Variants in MALRD1 observed in about 807,000 individuals in gnomAD.
MALRD1 encodes the protein MAM and LDL receptor class A domain containing 1.
A neutral mutation model predicts 242.1 loss-of-function variants in MALRD1; 247 were observed. The observed-to-expected ratio is 1.02, with a 90% CI of 0.92 to 1.13. MALRD1 has a LOEUF of 1.13. Ranked by LOEUF, MALRD1 falls within the 50% of genes most tolerant of loss-of-function variation. The probability of loss-of-function intolerance (pLI) is 0.00; values close to 1 mark genes in which losing one functional copy is unlikely to be tolerated. For synonymous variants in MALRD1, 995 were observed against 866.6 expected, an observed-to-expected ratio of 1.15 and a Z score of -2.60; for missense variants, 2,989 against 2,533.1, an observed-to-expected ratio of 1.18 and a Z score of -3.86.
intron 36 of MALRD1, among the ~76,000 whole-genome samples, chr10:19,677,272 A>C (rs1429737524): frequency 6.6e-6 from 1 of 152,148 alleles, no homozygotes; most frequent in Non-Finnish European, 1.5e-5. Flanking sequence ...ACTAATTTAC[A>C]TTCCCACCAG....
At chr10:19,252,643 A>G (rs1839344712) in intron 18 of MALRD1, among the ~76,000 whole-genome samples, 1 of 152,012 alleles carries the variant, frequency 6.6e-6, no homozygotes, top group South Asian at 2.1e-4. Context: ...TTTTGTCTCT[A>G]CTATTACCAC....
chr10:19,141,294 A>G (rs1050836506), intron 10 of MALRD1, among the ~76,000 whole-genome samples: 1 of 152,162 alleles, frequency 6.6e-6, no homozygotes, highest in Non-Finnish European at 1.5e-5. Flanking sequence ...AAGGACACAT[A>G]TTGTTTGGTC....
At chr10:19,620,019 AAAT>A (rs1554815284) in intron 36 of MALRD1, among the ~76,000 whole-genome samples, 1 of 58,470 alleles carries the variant, frequency 1.7e-5, no homozygotes, top group Non-Finnish European at 6.3e-5. Context: ...TAATAATAAT[AAAT>A]AATAATAATA....
At chr10:19,169,430 T>A (rs1415062933) in intron 13 of MALRD1, among the ~76,000 whole-genome samples, 1 of 152,218 alleles carries the variant, frequency 6.6e-6, no homozygotes, top group East Asian at 1.9e-4. Flanking sequence ...TAAATATTTC[T>A]AACTAGTAGT....
At chr10:19,712,639 A>G (rs11011216) in intron 38 of MALRD1, among the ~76,000 whole-genome samples, 13,700 of 152,264 alleles carry the variant, frequency 0.09, 753 homozygotes, top group African/African-American at 0.15. Flanking sequence ...GTTTTCAATC[A>G]AACAGATTAT....
At chr10:19,054,103 A>G (rs1370452916) in intron 1 of MALRD1, among the ~76,000 whole-genome samples, 2 of 152,070 alleles carry the variant, frequency 1.3e-5, no homozygotes, top group Non-Finnish European at 2.9e-5. Flanking sequence ...GGTCTGTGTA[A>G]TTTTTTTAAA....
chr10:19,153,871 CTT>C (rs1834032934), intron 11 of MALRD1, among the ~76,000 whole-genome samples: 4 of 129,130 alleles, frequency 3.1e-5, no homozygotes, highest in East Asian at 2.0e-4. Flanking sequence ...TCGTTAACCT[CTT>C]GTTTGAAATT....
intron 9 of MALRD1, among the ~76,000 whole-genome samples, chr10:19,134,412 T>C (rs901081549): frequency 6.6e-6 from 1 of 152,214 alleles, no homozygotes. Context: ...AAAAATTAAA[T>C]TGATATTTTG....
intron 21 of MALRD1, among the ~76,000 whole-genome samples, chr10:19,303,056 G>A (rs1286917046): frequency 6.6e-6 from 1 of 151,072 alleles, no homozygotes; most frequent in Non-Finnish European, 1.5e-5. Flanking sequence ...AATATGTTTG[G>A]GCTAAATACG....
At chr10:19,395,802 G>A (rs1321528008) in intron 28 of MALRD1, among the ~76,000 whole-genome samples, 1 of 152,168 alleles carries the variant, frequency 6.6e-6, no homozygotes. Context: ...GAATATGTGA[G>A]ATTTTTCTTT....
rs143201922 is a variant in MALRD1 at position 19,411,141 on chromosome 10, G to A, written c.4845+21532G>A. On this transcript the variant is annotated intron_variant, in intron 28 of 39. Coordinates refer to ENST00000454679, the MANE Select transcript of MALRD1 (RefSeq NM_001142308.3). Reference sequence around the variant, plus strand: ...AAGAGTGGTTTTAAAATATTATGTAGCAATTGTCCACAATGATGTGTGACC... The same window carrying A: ...AAGAGTGGTTTTAAAATATTATGTAACAATTGTCCACAATGATGTGTGACC... 2.9e-3 allele frequency among the ~76,000 whole-genome samples: 435 copies of A among 152,164 alleles called. 4 individuals are homozygous for A. The highest frequency in any genetic ancestry group is 0.024 in the South Asian group (115 of 4,828).
Position 19,093,924 on chromosome 10 carries a change from C to T in MALRD1, c.597+5739C>T, listed in dbSNP as rs1835917747. ...TGCTCGGGGGTCAGGGGTCAGGGAC[C>T]CACTTGAGGAGGCAGTCTGCCCGTT... On this transcript the variant is annotated intron_variant, in intron 4 of 39. Transcript: ENST00000454679. Among the ~76,000 whole-genome samples, 2 of 100,178 alleles carry T rather than the reference C, an allele frequency of 2.0e-5. 1 individual carries two copies. The highest frequency in any genetic ancestry group is 4.1e-5 in the Non-Finnish European group (2 of 48,858). 65.7% of individuals were successfully genotyped at this position (100,178 alleles called of 152,430 possible).
At chr10:19,108,954 A>G (rs546821327) in intron 5 of MALRD1, among the ~76,000 whole-genome samples, 4 of 152,246 alleles carry the variant, frequency 2.6e-5, no homozygotes, top group South Asian at 4.1e-4. Context: ...TTCCAATTTT[A>G]TAGAATGGCT....
chr10:19,666,170 A>G (rs1214371198), intron 36 of MALRD1, among the ~76,000 whole-genome samples: 2 of 151,996 alleles, frequency 1.3e-5, no homozygotes, highest in Non-Finnish European at 2.9e-5. Context: ...CCTCACATTT[A>G]TTGATTTGTA....
intron 14 of MALRD1, 126 bp from the exon 15 acceptor site, chr10:19,203,602 G>A: frequency 1.2e-6 from 1 of 865,146 alleles, no homozygotes; most frequent in Non-Finnish European, 1.7e-6. Context: ...TTTCTGAAAT[G>A]TGTCCCTCAT....
At chr10:19,392,435 T>C (rs1197119815) in intron 28 of MALRD1, among the ~76,000 whole-genome samples, 1 of 152,178 alleles carries the variant, frequency 6.6e-6, no homozygotes, top group Non-Finnish European at 1.5e-5. Flanking sequence ...GCATAGAATA[T>C]TTTTTAGAAA....
chr10:19,109,120 A>T (rs1447285177), intron 5 of MALRD1, among the ~76,000 whole-genome samples: 1 of 152,172 alleles, frequency 6.6e-6, no homozygotes, highest in African/African-American at 2.4e-5. Context: ...CTTCAGCTGT[A>T]GTCAACATCA....
intron 18 of MALRD1, among the ~76,000 whole-genome samples, chr10:19,235,428 G>A (rs148048474): frequency 1.2e-3 from 184 of 151,232 alleles, no homozygotes; most frequent in African/African-American, 4.3e-3. Context: ...CTCTTGAGAA[G>A]TGTTTGTTCA....
At chr10:19,253,517 T>G (rs2131794782) in intron 18 of MALRD1, among the ~76,000 whole-genome samples, 1 of 152,050 alleles carries the variant, frequency 6.6e-6, no homozygotes, top group East Asian at 1.9e-4. Context: ...ACTGCCCCCA[T>G]GTAACTAAAT....
Sources: allele counts gnomAD v4.1 joint callset (sites outside exome capture counted in the v4.1 genomes callset), GRCh38; gene constraint gnomAD v4.1.1; transcripts MANE v1.5; gene names NCBI Gene and HGNC (gene_info 2026-07-23, HGNC 2026-07-21).